The following NRXN3 variants were observed in gnomAD, a reference collection of about 807,000 sequenced individuals.
The protein encoded by NRXN3 is neurexin III.
Under a neutral mutation model 137.6 loss-of-function variants are expected in NRXN3, and 32 were observed. That is an observed-to-expected ratio of 0.23 (90% CI 0.18 to 0.31). The LOEUF (loss-of-function observed/expected upper bound fraction) is 0.31. Ranked by LOEUF, NRXN3 falls within the 10% of genes least tolerant of loss-of-function variation. NRXN3 has a pLI of 1.00. For synonymous variants in NRXN3, 798 were observed against 784.5 expected, an observed-to-expected ratio of 1.02 and a Z score of -0.29; for missense variants, 1,574 against 2,062.5, an observed-to-expected ratio of 0.76 and a Z score of 4.59.
intron 6 of NRXN3, among the ~76,000 whole-genome samples, chr14:78,701,184 C>T (rs2098274573): frequency 6.6e-6 from 1 of 152,126 alleles, no homozygotes; most frequent in South Asian, 2.1e-4. Context: ...ATTGAGACCT[C>T]CACTCTGAAC....
chr14:78,704,211 G>T (rs7159663), intron 6 of NRXN3, among the ~76,000 whole-genome samples: 45,318 of 152,118 alleles, frequency 0.3, 8,723 homozygotes, highest in African/African-American at 0.55. Flanking sequence ...TGTAGGGTTA[G>T]AATACTCTCT....
chr14:79,736,786 G>T (rs1262684245), intron 19 of NRXN3, among the ~76,000 whole-genome samples: 1 of 152,150 alleles, frequency 6.6e-6, no homozygotes, highest in Non-Finnish European at 1.5e-5. Context: ...CAAGAAGCCA[G>T]CAAGTCTAGC....
intron 19 of NRXN3, among the ~76,000 whole-genome samples, chr14:79,704,055 C>A (rs2098766226): frequency 6.6e-6 from 1 of 152,008 alleles, no homozygotes. Flanking sequence ...TGAATCAGAG[C>A]CCCAAGCTCA....
At chr14:78,773,788 A>G (rs1253613241) in intron 8 of NRXN3, among the ~76,000 whole-genome samples, 1 of 151,914 alleles carries the variant, frequency 6.6e-6, no homozygotes, top group Non-Finnish European at 1.5e-5. Flanking sequence ...TACTTTATTT[A>G]CTTATTTGTT....
intron 4 of NRXN3, among the ~76,000 whole-genome samples, chr14:78,504,249 T>C (rs1455143641): frequency 6.6e-6 from 1 of 152,148 alleles, no homozygotes; most frequent in African/African-American, 2.4e-5. Flanking sequence ...ATAAGGGTGC[T>C]TGCAAAGACA....
At chr14:78,950,305 A>G (rs1378612616) in intron 10 of NRXN3, among the ~76,000 whole-genome samples, 1 of 152,042 alleles carries the variant, frequency 6.6e-6, no homozygotes, top group Non-Finnish European at 1.5e-5. Context: ...CTGTAAATTT[A>G]TGGCTTGAGG....
intron 15 of NRXN3, among the ~76,000 whole-genome samples, chr14:79,295,849 A>G (rs2084005373): frequency 6.6e-6 from 1 of 152,072 alleles, no homozygotes; most frequent in Non-Finnish European, 1.5e-5. Context: ...CCTATCTCCC[A>G]CTGCACAGTG....
chr14:79,778,717 G>T (rs554483421), intron 19 of NRXN3, among the ~76,000 whole-genome samples: 2 of 152,168 alleles, frequency 1.3e-5, no homozygotes, highest in South Asian at 2.1e-4. Flanking sequence ...GAATTTTCAG[G>T]CTGTATAGTT....
chr14:79,733,429 G>A (rs1306298224), intron 19 of NRXN3, among the ~76,000 whole-genome samples: 1 of 152,084 alleles, frequency 6.6e-6, no homozygotes. Flanking sequence ...GGTTATCAGG[G>A]GTATCCTTTT....
At chr14:79,676,608 G>C (rs997858983) in intron 17 of NRXN3, among the ~76,000 whole-genome samples, 4 of 151,926 alleles carry the variant, frequency 2.6e-5, no homozygotes, top group African/African-American at 9.7e-5. Context: ...AGAAAGGAAA[G>C]GGAGAGAAAC....
At chr14:79,665,139 G>A (rs548964877) in intron 17 of NRXN3, among the ~76,000 whole-genome samples, 1 of 152,152 alleles carries the variant, frequency 6.6e-6, no homozygotes, top group Admixed American at 6.6e-5. Context: ...TTCTTTAAAA[G>A]CCTATCAGAA....
At chr14:78,189,371 C>T (rs2153370356) in intron 1 of NRXN3, among the ~76,000 whole-genome samples, 1 of 152,280 alleles carries the variant, frequency 6.6e-6, no homozygotes, top group South Asian at 2.1e-4. Context: ...CCTCTGCTGG[C>T]CTCCTGTTCC....
intron 19 of NRXN3, among the ~76,000 whole-genome samples, chr14:79,774,322 A>G (rs1329979974): frequency 6.6e-6 from 1 of 152,142 alleles, no homozygotes; most frequent in East Asian, 1.9e-4. Context: ...ACCCTTGAAA[A>G]CTGAAATAGA....
chr14:78,574,639 C>A (rs1256203474), intron 4 of NRXN3, among the ~76,000 whole-genome samples: 1 of 152,192 alleles, frequency 6.6e-6, no homozygotes, highest in African/African-American at 2.4e-5. Context: ...GGTGTATTCA[C>A]CCAATGCCTG....
intron 10 of NRXN3, among the ~76,000 whole-genome samples, chr14:78,947,716 AT>A (rs1187473415): frequency 6.6e-6 from 1 of 152,236 alleles, no homozygotes; most frequent in East Asian, 1.9e-4. Context: ...GTTTTTGGTA[AT>A]TTACAACCAT....
At chr14:79,380,683 T>C (rs921744789) in intron 15 of NRXN3, among the ~76,000 whole-genome samples, 1 of 152,104 alleles carries the variant, frequency 6.6e-6, no homozygotes, top group Non-Finnish European at 1.5e-5. Flanking sequence ...TTTATAGCAG[T>C]ATGATTTATA....
chr14:78,767,487 C>T (rs2098712776), intron 8 of NRXN3, among the ~76,000 whole-genome samples: 1 of 152,174 alleles, frequency 6.6e-6, no homozygotes. Context: ...AGGACCGTGT[C>T]ACCCTAGGGT....
chr14:79,801,104 G>A (rs1224722269), intron 19 of NRXN3, among the ~76,000 whole-genome samples: 1 of 152,184 alleles, frequency 6.6e-6, no homozygotes, highest in Non-Finnish European at 1.5e-5. Flanking sequence ...AAGAGGGACT[G>A]AGATGTTTGT....
chr14:79,613,210 A>C (rs112506232), intron 16 of NRXN3, among the ~76,000 whole-genome samples: 25 of 152,374 alleles, frequency 1.6e-4, no homozygotes, highest in African/African-American at 6.0e-4. Flanking sequence ...TAAAAAATAT[A>C]GAAGTCTCAG....
Sources: allele counts gnomAD v4.1 joint callset (sites outside exome capture counted in the v4.1 genomes callset), GRCh38; gene constraint gnomAD v4.1.1; transcripts MANE v1.5; gene names NCBI Gene and HGNC (gene_info 2026-07-23, HGNC 2026-07-21).